HTR2C: variants seen among roughly 807,000 people sequenced by gnomAD.
HTR2C encodes the protein 5-hydroxytryptamine (serotonin) receptor 2C, G protein-coupled.
HTR2C carries 5 observed loss-of-function variants against 21.0 expected under a neutral mutation model. That is an observed-to-expected ratio of 0.24 (90% CI 0.12 to 0.50). HTR2C has a LOEUF of 0.50. HTR2C is among the 20% of genes least tolerant of loss of function. The pLI is 0.98. For synonymous variants in HTR2C, 150 were observed against 145.3 expected, an observed-to-expected ratio of 1.03 and a Z score of -0.23; for missense variants, 271 against 371.2, an observed-to-expected ratio of 0.73 and a Z score of 2.22.
At chrX:114,764,291 A>C (rs1014391067) in intron 4 of HTR2C, among the ~76,000 whole-genome samples, 3 of 109,323 alleles carry the variant, frequency 2.7e-5, no homozygotes, top group Non-Finnish European at 5.7e-5. Context: ...CCAGCTACTC[A>C]GGAGGCTGAG....
chrX:114,755,902 G>C (rs1233611830), intron 4 of HTR2C, among the ~76,000 whole-genome samples: 1 of 110,714 alleles, frequency 9.0e-6, no homozygotes, highest in Non-Finnish European at 1.9e-5. Context: ...ATGAGACCAG[G>C]AGTTTGAGGA....
At position 114,908,942 on chromosome X, in the gene HTR2C, G is replaced by C. The variant is rs145840054; in HGVS notation, c.*1527G>C. Reference sequence around the variant, plus strand: ...AATTTTGGAAGAATTCATGATGCTAGTTCTTACGCTTGACAGTTACTTACA... The same window carrying C: ...AATTTTGGAAGAATTCATGATGCTACTTCTTACGCTTGACAGTTACTTACA... On this transcript the variant is annotated 3_prime_UTR_variant, in exon 6 of 6. Coordinates refer to ENST00000276198, the MANE Select transcript of HTR2C (RefSeq NM_000868.4). The C allele has an allele frequency of 8.9e-6, 1 of 112,517 alleles. No homozygotes were observed. Among genetic ancestry groups the C allele is most frequent in the South Asian group, 3.7e-4 (1 of 2,727 alleles). 9.3% of individuals were successfully genotyped at this position (112,517 alleles called of 1,213,427 possible).
intron 1 of HTR2C, among the ~76,000 whole-genome samples, chrX:114,591,555 ACTGT>A (rs1442632713): frequency 3.6e-5 from 4 of 111,548 alleles, no homozygotes; most frequent in African/African-American, 1.3e-4. Flanking sequence ...TCACTGGGTA[ACTGT>A]CTGTGTCAAA....
chrX:114,746,486 AT>A (rs1394067090), intron 4 of HTR2C, among the ~76,000 whole-genome samples: 1 of 112,041 alleles, frequency 8.9e-6, no homozygotes, highest in African/African-American at 3.2e-5. Flanking sequence ...ACTAAAGAAT[AT>A]AATAACCATA....
chrX:114,746,688 T>TA (rs1382577054), intron 4 of HTR2C, among the ~76,000 whole-genome samples: 139 of 100,342 alleles, frequency 1.4e-3, no homozygotes, highest in East Asian at 8.4e-3. Flanking sequence ...ACCTCAACTC[T>TA]AAAAAAAAAA....
At chrX:114,840,951 G>T (rs1438687859) in intron 4 of HTR2C, among the ~76,000 whole-genome samples, 1 of 111,475 alleles carries the variant, frequency 9.0e-6, no homozygotes, top group Non-Finnish European at 1.9e-5. Context: ...CACATTAAAA[G>T]TAGAGGGGTT....
intron 2 of HTR2C, among the ~76,000 whole-genome samples, chrX:114,710,483 T>C (rs1378414960): frequency 1.8e-5 from 2 of 111,961 alleles, no homozygotes; most frequent in African/African-American, 6.5e-5. Flanking sequence ...TAAAATTAAA[T>C]CTTGCTCTGT....
At chrX:114,647,591 G>T (rs916992184) in intron 2 of HTR2C, among the ~76,000 whole-genome samples, 107 of 112,336 alleles carry the variant, frequency 9.5e-4, no homozygotes, top group African/African-American at 3.1e-3. Context: ...AAAAAAGAAT[G>T]TTGTAATATT....
chrX:114,694,486 TATATATAC>T (rs1932210982), intron 2 of HTR2C, among the ~76,000 whole-genome samples: 7 of 11,618 alleles, frequency 6.0e-4, no homozygotes, highest in South Asian at 5.4e-3. Context: ...TATATATATA[TATATATAC>T]ACACACAGAT....
intron 4 of HTR2C, among the ~76,000 whole-genome samples, chrX:114,810,389 C>A (rs1436528959): frequency 9.0e-6 from 1 of 110,635 alleles, no homozygotes; most frequent in Non-Finnish European, 1.9e-5. Context: ...TATTTAGGAC[C>A]CGGGGGGCAC....
At chrX:114,835,274 T>C (rs2070770774) in intron 4 of HTR2C, among the ~76,000 whole-genome samples, 1 of 100,655 alleles carries the variant, frequency 9.9e-6, no homozygotes, top group African/African-American at 3.6e-5. Flanking sequence ...TTGGGGAAGT[T>C]CTCCTGGATA....
intron 4 of HTR2C, among the ~76,000 whole-genome samples, chrX:114,741,405 G>T (rs1427982972): frequency 1.9e-5 from 2 of 103,744 alleles, no homozygotes; most frequent in East Asian, 6.2e-4. Flanking sequence ...TGTAGTCCCA[G>T]CTACTCAGGA....
chrX:114,726,656 A>T (rs1556422147), intron 2 of HTR2C, among the ~76,000 whole-genome samples: 2 of 112,703 alleles, frequency 1.8e-5, no homozygotes, highest in African/African-American at 6.4e-5. Context: ...GAAAATTTTT[A>T]AAAACTGCGA....
intron 2 of HTR2C, among the ~76,000 whole-genome samples, chrX:114,687,532 G>A (rs1297595194): frequency 9.0e-6 from 1 of 111,293 alleles, no homozygotes; most frequent in African/African-American, 3.3e-5. Flanking sequence ...ATTTTATTAT[G>A]AATTTTGTAT....
intron 4 of HTR2C, among the ~76,000 whole-genome samples, chrX:114,784,194 AAAAG>A (rs781931937): frequency 7.8e-4 from 87 of 111,238 alleles, no homozygotes; most frequent in African/African-American, 2.3e-3. Flanking sequence ...AGAGAAAAAA[AAAAG>A]AAAGAGAAGG....
At chrX:114,714,402 A>G (rs1215037611) in intron 2 of HTR2C, among the ~76,000 whole-genome samples, 1 of 111,902 alleles carries the variant, frequency 8.9e-6, no homozygotes, top group Non-Finnish European at 1.9e-5. Flanking sequence ...TTTGTTTAAA[A>G]TTTTTATGAG....
chrX:114,721,738 C>T (rs1403024576), intron 2 of HTR2C, among the ~76,000 whole-genome samples: 1 of 110,670 alleles, frequency 9.0e-6, no homozygotes, highest in Non-Finnish European at 1.9e-5. Context: ...CTACATATGG[C>T]TAGCCAGTTT....
chrX:114,867,233 G>A (rs1556474889), intron 5 of HTR2C, among the ~76,000 whole-genome samples: 1 of 111,303 alleles, frequency 9.0e-6, no homozygotes, highest in East Asian at 2.8e-4. Flanking sequence ...TGTAGTTTTC[G>A]ATTTCCATTT....
At position 114,603,248 on chromosome X, in the gene HTR2C, G is replaced by A. The variant is rs782694179; in HGVS notation, c.-146-10567G>A. 7.3e-3 allele frequency among the ~76,000 whole-genome samples: 815 copies of A among 111,668 alleles called. 2 individuals are homozygous for A. The highest frequency in any genetic ancestry group is 0.025 in the African/African-American group (754 of 30,285). ...AAGAGTGAGTATAGCTGAAGGAGCC[G>A]GGAAGCAGAAAGTATATGCGTCAGG... On this transcript the variant is annotated intron_variant, in intron 1 of 5. Transcript: ENST00000276198.
Sources: allele counts gnomAD v4.1 joint callset (sites outside exome capture counted in the v4.1 genomes callset), GRCh38; gene constraint gnomAD v4.1.1; transcripts MANE v1.5; gene names NCBI Gene and HGNC (gene_info 2026-07-23, HGNC 2026-07-21).